The following ARHGAP18 variants were observed in gnomAD, a reference collection of about 807,000 sequenced individuals.
ARHGAP18 encodes rho GTPase-activating protein 18.
A neutral mutation model predicts 86.2 loss-of-function variants in ARHGAP18; 67 were observed. The observed-to-expected ratio is 0.78, with a 90% CI of 0.64 to 0.95. The LOEUF is 0.95. Ranked by LOEUF, ARHGAP18 falls within the 40% of genes least tolerant of loss-of-function variation. The probability of loss-of-function intolerance (pLI) is 0.00; values close to 1 mark genes in which losing one functional copy is unlikely to be tolerated. For synonymous variants in ARHGAP18, 283 were observed against 280.4 expected (o/e 1.01, Z -0.09); for missense variants, 691 against 780.4 (o/e 0.89, Z 1.37).
Position 129,611,566 on chromosome 6 carries a change from G to A in ARHGAP18, c.1089C>T (p.Leu363=). Residue 363 remains leucine (L), a synonymous_variant, in exon 8 of 15, where the codon CTC becomes CTT. Coordinates refer to ENST00000368149, the MANE Select transcript of ARHGAP18 (RefSeq NM_033515.3). Reference sequence around the variant, plus strand: ...TAATGGCAGCTCCAGGGATCCGTAAGAGGCCTTCTGTTTCCAAACCTCTCT... The same window carrying A: ...TAATGGCAGCTCCAGGGATCCGTAAAAGGCCTTCTGTTTCCAAACCTCTCT... ...IEERGLETEG[L]LRIPGAAIRI... 6.2e-7 allele frequency: 1 copy of A among 1,613,828 alleles called. No individual in the cohort carries two copies. The highest frequency in any genetic ancestry group is 8.5e-7 in the Non-Finnish European group (1 of 1,179,854).
At chr6:129,587,828 A>C (rs1788428570) in intron 12 of ARHGAP18, among the ~76,000 whole-genome samples, 1 of 152,168 alleles carries the variant, frequency 6.6e-6, no homozygotes, top group African/African-American at 2.4e-5. Context: ...CCAGCCTTCC[A>C]AAATCTCATG....
intron 1 of ARHGAP18, among the ~76,000 whole-genome samples, chr6:129,702,017 C>T (rs188194173): frequency 2.6e-5 from 4 of 152,294 alleles, no homozygotes; most frequent in Non-Finnish European, 4.4e-5. Flanking sequence ...TGCCTCCTTT[C>T]CCTATGACCC....
chr6:129,624,871 G>C (rs756121573), intron 5 of ARHGAP18, among the ~76,000 whole-genome samples: 1 of 148,680 alleles, frequency 6.7e-6, no homozygotes, highest in Non-Finnish European at 1.5e-5. Context: ...CTTGTATCCA[G>C]GAGGCGGAGG....
chr6:129,621,328 A>G (rs62422971), intron 5 of ARHGAP18, among the ~76,000 whole-genome samples: 34,179 of 152,154 alleles, frequency 0.22, 4,352 homozygotes, highest in Non-Finnish European at 0.28. Flanking sequence ...AGAGCCTTCA[A>G]GTCCACTGTA....
intron 12 of ARHGAP18, among the ~76,000 whole-genome samples, chr6:129,596,377 C>A (rs1393285468): frequency 1.3e-5 from 2 of 152,130 alleles, no homozygotes; most frequent in Admixed American, 1.3e-4. Context: ...ACTCAACTCC[C>A]TGCCCTTCTT....
At chr6:129,661,605 C>CCT (rs1240787276) in intron 1 of ARHGAP18, among the ~76,000 whole-genome samples, 2 of 151,696 alleles carry the variant, frequency 1.3e-5, no homozygotes, top group African/African-American at 2.4e-5. Context: ...TGACTTCAGG[C>CCT]AAGTCATTTC....
At chr6:129,625,650 A>ATATATTATATATATTTATAT (rs1789411571) in intron 5 of ARHGAP18, among the ~76,000 whole-genome samples, 1 of 78,358 alleles carries the variant, frequency 1.3e-5, no homozygotes, top group Non-Finnish European at 2.2e-5. Flanking sequence ...TTATATATTT[A>ATATATTATATATATTTATAT]TATATTATAT....
At chr6:129,682,421 G>A (rs549723199) in intron 1 of ARHGAP18, among the ~76,000 whole-genome samples, 2 of 152,244 alleles carry the variant, frequency 1.3e-5, no homozygotes, top group African/African-American at 4.8e-5. Flanking sequence ...CAATACATGA[G>A]GTCTTACAGG....
chr6:129,650,141 C>G (rs1306307811), intron 1 of ARHGAP18, among the ~76,000 whole-genome samples: 7 of 147,168 alleles, frequency 4.8e-5, no homozygotes, highest in African/African-American at 2.5e-5. Context: ...TCAGGCTGGT[C>G]TCGAACTCCC....
At chr6:129,587,475 AG>A (rs1453811594) in intron 12 of ARHGAP18, among the ~76,000 whole-genome samples, 2 of 152,208 alleles carry the variant, frequency 1.3e-5, no homozygotes, top group Non-Finnish European at 2.9e-5. Flanking sequence ...GCTGCTATGA[AG>A]AAATACCCAA....
chr6:129,587,865 C>G (rs1035758748), intron 12 of ARHGAP18, among the ~76,000 whole-genome samples: 2 of 152,198 alleles, frequency 1.3e-5, no homozygotes, highest in African/African-American at 4.8e-5. Context: ...CATAATCATG[C>G]CTTTCCAACA....
At chr6:129,624,510 C>A (rs1404014643) in intron 5 of ARHGAP18, among the ~76,000 whole-genome samples, 1 of 151,656 alleles carries the variant, frequency 6.6e-6, no homozygotes. Flanking sequence ...AGCGAGATTC[C>A]ATCTCGAGAA....
Position 129,642,451 on chromosome 6 carries a change from A to AT in ARHGAP18, c.114-434dup, listed in dbSNP as rs879779898. On this transcript the variant is annotated intron_variant, in intron 1 of 14. Coordinates refer to ENST00000368149, the MANE Select transcript of ARHGAP18 (RefSeq NM_033515.3). ...AGGTATATACCATATTGCCCAGCTA[A>AT]TTTTTTTTTTTTTGGCAGACATGGG... is the stretch of plus-strand genomic sequence containing the variant. Among the ~76,000 whole-genome samples, 331 of 144,780 alleles carry AT rather than the reference A, an allele frequency of 2.3e-3. 1 individual carries two copies. The highest frequency in any genetic ancestry group is 0.01 in the East Asian group (52 of 4,970). 95.0% of individuals were successfully genotyped at this position (144,780 alleles called of 152,430 possible). A position where few individuals can be genotyped will look rare whatever the true frequency, so the allele number is the denominator to read the frequency against.
intron 12 of ARHGAP18, among the ~76,000 whole-genome samples, chr6:129,592,582 A>G (rs1788539582): frequency 6.6e-6 from 1 of 152,174 alleles, no homozygotes; most frequent in African/African-American, 2.4e-5. Context: ...CTATGAGAGA[A>G]AGCCTTTTGT....
At chr6:129,625,707 TTATA>T (rs1221602013) in intron 5 of ARHGAP18, among the ~76,000 whole-genome samples, 1 of 62,156 alleles carries the variant, frequency 1.6e-5, no homozygotes, top group African/African-American at 6.0e-5. Flanking sequence ...TATTTATATA[TTATA>T]TATTTATATA....
intron 5 of ARHGAP18, among the ~76,000 whole-genome samples, chr6:129,624,029 T>C (rs1348119255): frequency 6.6e-6 from 1 of 152,070 alleles, no homozygotes; most frequent in African/African-American, 2.4e-5. Flanking sequence ...ATTAAGAAGG[T>C]AGGTGAAGGT....
rs990736069 is a variant in ARHGAP18, at chr6:129,577,053, T to C, written c.*1460A>G. The C allele has an allele frequency of 6.6e-6, 1 of 151,952 alleles. No individual in the cohort carries two copies. The highest frequency in any genetic ancestry group is 2.4e-5 in the African/African-American group (1 of 41,388). The allele number at this position is 151,952 out of a possible 1,614,324, so 9.4% of individuals were successfully genotyped here. On this transcript the variant is annotated 3_prime_UTR_variant, in exon 15 of 15. Transcript: ENST00000368149. ...ATTAATAAAAAAAAAGCAAAAATAC[T>C]CATAAACACATAGGATTAAAAGTAA...
chr6:129,658,695 A>G (rs1256592124), intron 1 of ARHGAP18, among the ~76,000 whole-genome samples: 3 of 152,358 alleles, frequency 2.0e-5, no homozygotes, highest in East Asian at 3.9e-4. Context: ...GACATATGAT[A>G]AAGTTCTTCA....
intron 1 of ARHGAP18, among the ~76,000 whole-genome samples, chr6:129,696,499 A>T (rs1774619260): frequency 6.6e-6 from 1 of 152,240 alleles, no homozygotes; most frequent in Non-Finnish European, 1.5e-5. Context: ...GGAAAAAAAG[A>T]CTGTATAATA....
Sources: allele counts gnomAD v4.1 joint callset (sites outside exome capture counted in the v4.1 genomes callset), GRCh38; gene constraint gnomAD v4.1.1; transcripts MANE v1.5; gene names NCBI Gene and HGNC (gene_info 2026-07-23, HGNC 2026-07-21).